Variants in STK32B observed in about 807,000 individuals in gnomAD.
STK32B encodes serine/threonine kinase 32B, also known as serine/threonine-protein kinase 32B.
Under a neutral mutation model 52.6 loss-of-function variants are expected in STK32B, and 43 were observed. The ratio of observed to expected loss-of-function variants is 0.82; its 90% confidence interval spans 0.64 to 1.05. The LOEUF (loss-of-function observed/expected upper bound fraction) is 1.05. STK32B is among the 50% of genes least tolerant of loss of function. The pLI is 0.00. For missense variants in STK32B, 621 were observed against 534.6 expected, an observed-to-expected ratio of 1.16 and a Z score of -1.59; for synonymous variants, 238 against 204.3, an observed-to-expected ratio of 1.17 and a Z score of -1.41.
At chr4:5,096,151 T>C (rs1436123508) in intron 1 of STK32B, among the ~76,000 whole-genome samples, 1 of 152,244 alleles carries the variant, frequency 6.6e-6, no homozygotes, top group Non-Finnish European at 1.5e-5. Context: ...ACAGGGAGCA[T>C]GTGCTGTAAC....
intron 3 of STK32B, among the ~76,000 whole-genome samples, chr4:5,227,461 G>GA (rs1723956629): frequency 6.6e-6 from 1 of 152,076 alleles, no homozygotes; most frequent in African/African-American, 2.4e-5. Flanking sequence ...AACTCATTCG[G>GA]AAAATCTTTA....
In STK32B at chr4:5,470,561, C is replaced by T. The variant is rs765653475; in HGVS notation, c.1106+2491C>T. Among the ~76,000 whole-genome samples the T allele has an allele frequency of 2.6e-5, 4 of 152,110 alleles. No homozygotes were observed. Among genetic ancestry groups the T allele is most frequent in the Non-Finnish European group, 5.9e-5 (4 of 68,034 alleles). ...CTGTCACAGCAGGCGTGCAGGCTTA[C>T]TGCCATATAAAGGTGTCCAGGAGAG... On this transcript the variant is annotated intron_variant, in intron 11 of 11. Transcript: ENST00000282908. This position sits in a 1 kb window ranked among gnomAD's most constrained non-coding sequence, Gnocchi z 4.6.
At chr4:5,350,931 A>T (rs76366829) in intron 4 of STK32B, among the ~76,000 whole-genome samples, 1,890 of 152,232 alleles carry the variant, frequency 0.012, 26 homozygotes, top group East Asian at 0.074. Flanking sequence ...ATATAAACAT[A>T]TATGCACCCA....
At chr4:5,164,207 G>T (rs1350283198) in intron 2 of STK32B, among the ~76,000 whole-genome samples, 1 of 152,154 alleles carries the variant, frequency 6.6e-6, no homozygotes, top group Admixed American at 6.5e-5. Context: ...TGTGGGCAGG[G>T]TAGATTCCTT....
At chr4:5,144,102 C>T (rs1170813641) in intron 2 of STK32B, among the ~76,000 whole-genome samples, 1 of 152,106 alleles carries the variant, frequency 6.6e-6, no homozygotes, top group Non-Finnish European at 1.5e-5. Flanking sequence ...CACAAATTTC[C>T]CTTGGGATAG....
chr4:5,374,400 C>T (rs2109015935), intron 4 of STK32B, among the ~76,000 whole-genome samples: 1 of 152,312 alleles, frequency 6.6e-6, no homozygotes, highest in East Asian at 1.9e-4. Flanking sequence ...ACATCAGTCC[C>T]TTAAAGAGGA....
chr4:5,438,137 C>T (rs867487732), intron 6 of STK32B: 19 of 985,224 alleles, frequency 1.9e-5, no homozygotes, highest in Middle Eastern at 5.2e-4. Context: ...GTGCACCCTG[C>T]GCTATTGGAG....
intron 11 of STK32B, among the ~76,000 whole-genome samples, chr4:5,496,543 C>G (rs1210118842): frequency 8.3e-6 from 1 of 119,866 alleles, no homozygotes; most frequent in African/African-American, 5.3e-5. Flanking sequence ...GAGGCAATGC[C>G]TTGCCCTGCA....
chr4:5,336,957 GT>G (rs1179848534), intron 4 of STK32B, among the ~76,000 whole-genome samples: 1 of 152,092 alleles, frequency 6.6e-6, no homozygotes, highest in African/African-American at 2.4e-5. Context: ...AATCAGAATA[GT>G]TTTGAATTTC....
intron 1 of STK32B, among the ~76,000 whole-genome samples, chr4:5,084,716 G>A (rs943124317): frequency 9.9e-5 from 15 of 152,112 alleles, no homozygotes; most frequent in Admixed American, 9.2e-4. Context: ...AAAAAATTGA[G>A]GAAAGCAAAT....
In STK32B at chr4:5,346,320, A is replaced by AG. The variant is rs531330100; in HGVS notation, c.434+14929dup. Among the ~76,000 whole-genome samples, 156 of 152,304 alleles carry AG rather than the reference A, an allele frequency of 1.0e-3. 1 individual carries two copies. The highest frequency in any genetic ancestry group is 3.6e-3 in the African/African-American group (150 of 41,568). On this transcript the variant is annotated intron_variant, in intron 4 of 11. Coordinates refer to ENST00000282908, the MANE Select transcript of STK32B (RefSeq NM_018401.3). ...GCTCATTTAATAGCAGTGTACATGAAGGAATGTAAGAGTCCAGATTTTCTC... is the reference window on the plus strand; with the variant it reads ...GCTCATTTAATAGCAGTGTACATGAAGGGAATGTAAGAGTCCAGATTTTCTC...
Position 5,499,239 on chromosome 4 carries a change from C to T in STK32B, c.*156C>T. The T allele has an allele frequency of 9.3e-7, 1 of 1,072,100 alleles. No individual in the cohort carries two copies. Among genetic ancestry groups the T allele is most frequent in the Non-Finnish European group, 1.3e-6 (1 of 782,506 alleles). 66.4% of individuals were successfully genotyped at this position (1,072,100 alleles called of 1,614,324 possible). Reference sequence around the variant, plus strand: ...AGCTGGGAAGCCTGGGTTCTGGTCCCATCTCCATGACTGATTCACGTGTGA... The same window carrying T: ...AGCTGGGAAGCCTGGGTTCTGGTCCTATCTCCATGACTGATTCACGTGTGA... On this transcript the variant is annotated 3_prime_UTR_variant, in exon 12 of 12. Coordinates refer to ENST00000282908, the MANE Select transcript of STK32B (RefSeq NM_018401.3).
intron 3 of STK32B, among the ~76,000 whole-genome samples, chr4:5,264,224 A>T (rs9985754): frequency 0.17 from 25,311 of 152,078 alleles, 4,088 homozygotes; most frequent in African/African-American, 0.42. Context: ...TGTAGCTTTT[A>T]ACTGACAAAG....
chr4:5,329,339 C>G (rs183362312), intron 3 of STK32B, among the ~76,000 whole-genome samples: 1 of 152,260 alleles, frequency 6.6e-6, no homozygotes, highest in East Asian at 1.9e-4. Flanking sequence ...ATGGTGACTC[C>G]CAAAGGTGGC....
intron 3 of STK32B, among the ~76,000 whole-genome samples, chr4:5,318,856 G>A (rs1731292560): frequency 6.6e-6 from 1 of 151,542 alleles, no homozygotes; most frequent in Non-Finnish European, 1.5e-5. Context: ...CTGGAGTGCA[G>A]TGGCGTGATC....
intron 3 of STK32B, among the ~76,000 whole-genome samples, chr4:5,190,995 G>A (rs1171984854): frequency 1.3e-5 from 2 of 152,184 alleles, no homozygotes; most frequent in Non-Finnish European, 2.9e-5. Context: ...TCTTCCTGAT[G>A]CAATCAAAGT....
intron 8 of STK32B, among the ~76,000 whole-genome samples, chr4:5,458,143 G>A (rs894461993): frequency 1.3e-5 from 2 of 152,134 alleles, no homozygotes; most frequent in African/African-American, 4.8e-5. Flanking sequence ...AGACACCTGG[G>A]GTGGGCCCCA....
chr4:5,411,524 G>T (rs1338729457), intron 5 of STK32B, among the ~76,000 whole-genome samples: 2 of 152,120 alleles, frequency 1.3e-5, no homozygotes, highest in Non-Finnish European at 2.9e-5. Flanking sequence ...CATTGTATTA[G>T]GCATTATAAT....
chr4:5,162,283 C>A (rs2108727443), intron 2 of STK32B, among the ~76,000 whole-genome samples: 1 of 152,310 alleles, frequency 6.6e-6, no homozygotes. Flanking sequence ...GCAGTGAAAT[C>A]ATTCTCAACT....
Sources: gnomAD v4.1 joint callset for allele counts (sites outside exome capture counted in the v4.1 genomes callset) on GRCh38, gnomAD v4.1.1 for gene constraint, Gnocchi (gnomAD v3.1) non-coding constraint, MANE v1.5 for transcripts, NCBI Gene and HGNC (gene_info 2026-07-23, HGNC 2026-07-21) for gene names.